Variants in TCF7L2 observed in about 807,000 individuals in gnomAD.
TCF7L2 encodes the protein transcription factor 7-like 2.
In TCF7L2, 23 loss-of-function variants were observed where a neutral mutation model predicts 77.9. The observed-to-expected ratio is 0.30, with a 90% CI of 0.21 to 0.42. The LOEUF (loss-of-function observed/expected upper bound fraction) is 0.42, where lower values mean the gene tolerates loss of function less well. Ranked by LOEUF, TCF7L2 falls within the 10% of genes least tolerant of loss-of-function variation. The pLI is 1.00. For missense variants in TCF7L2, 654 were observed against 793.1 expected (o/e 0.82, Z 2.11); for synonymous variants, 413 against 340.2 (o/e 1.21, Z -2.36).
intron 5 of TCF7L2, among the ~76,000 whole-genome samples, chr10:113,112,913 T>C (rs1268933492): frequency 6.6e-6 from 1 of 152,208 alleles, no homozygotes; most frequent in Non-Finnish European, 1.5e-5. Flanking sequence ...AGAAGGCTTT[T>C]CCCTGATTAT....
chr10:113,097,647 A>AG (rs1491183298), intron 5 of TCF7L2, among the ~76,000 whole-genome samples: 644 of 23,136 alleles, frequency 0.028, 4 homozygotes, highest in Non-Finnish European at 0.065. Context: ...CTTGTCTCGG[A>AG]AAAAAAAAAA....
chr10:112,961,885 G>T (rs1300655396), intron 3 of TCF7L2, among the ~76,000 whole-genome samples: 1 of 148,898 alleles, frequency 6.7e-6, no homozygotes, highest in Non-Finnish European at 1.5e-5. Context: ...GCGCTCGCGT[G>T]TGCGTGTATG....
intron 5 of TCF7L2, among the ~76,000 whole-genome samples, chr10:113,086,788 T>G (rs2135558244): frequency 6.6e-6 from 1 of 152,284 alleles, no homozygotes; most frequent in East Asian, 1.9e-4. Context: ...TATAGTTATT[T>G]TCTCATGATA....
intron 7 of TCF7L2, 53 bp from the exon 8 acceptor site, chr10:113,145,958 T>TGCCC: frequency 3.0e-6 from 4 of 1,350,230 alleles, no homozygotes; most frequent in Non-Finnish European, 4.2e-6. Flanking sequence ...CTTTTTCTTG[T>TGCCC]CCCCACCCCC....
In TCF7L2 at chr10:112,950,407, C is replaced by T; in HGVS notation, c.-350C>T. 1 of 222,142 alleles carries T rather than the reference C, an allele frequency of 4.5e-6. No homozygotes were observed. The highest frequency in any genetic ancestry group is 2.3e-5 in the African/African-American group (1 of 43,342). 13.8% of individuals were successfully genotyped at this position (222,142 alleles called of 1,614,324 possible). A position where few individuals can be genotyped will look rare whatever the true frequency, so the allele number is the denominator to read the frequency against. On this transcript the variant is annotated 5_prime_UTR_variant, in exon 1 of 14. Coordinates refer to ENST00000627217, the MANE Select transcript of TCF7L2 (RefSeq NM_001146274.2). ...GCACCTCCTGTATCTTCGGCTTCCC[C>T]CCCCCTTTGCTCTTTATATCTGACT...
At chr10:113,081,121 C>G (rs1410983025) in intron 5 of TCF7L2, among the ~76,000 whole-genome samples, 1 of 152,250 alleles carries the variant, frequency 6.6e-6, no homozygotes, top group Admixed American at 6.5e-5. Flanking sequence ...TCTCCTAATA[C>G]ACCTAGCCCC....
chr10:113,032,237 G>C (rs550664811), intron 4 of TCF7L2, among the ~76,000 whole-genome samples: 4 of 152,206 alleles, frequency 2.6e-5, no homozygotes, highest in Admixed American at 6.5e-5. Flanking sequence ...CCGATTGTCC[G>C]TGTGTGAGCT....
At chr10:113,073,644 A>G (rs142995398) in intron 5 of TCF7L2, among the ~76,000 whole-genome samples, 1,635 of 148,712 alleles carry the variant, frequency 0.011, 16 homozygotes, top group Middle Eastern at 0.021. Flanking sequence ...GTGAGCTGTG[A>G]TTGCACCACT....
Position 112,950,534 on chromosome 10 carries a change from C to T in TCF7L2, c.-223C>T, listed in dbSNP as rs1369924230. On this transcript the variant is annotated 5_prime_UTR_variant, in exon 1 of 14. Transcript: ENST00000627217. ...TTGGGAACGAGAGAAAAAAGAAACC[C>T]AAACTCACGCGTGCAGAAGATCTCC... is the stretch of plus-strand genomic sequence containing the variant. The T allele has an allele frequency of 8.3e-6, 4 of 480,612 alleles. No individual in the cohort carries two copies. The highest frequency in any genetic ancestry group is 1.4e-5 in the Non-Finnish European group (4 of 276,446). The allele number at this position is 480,612 out of a possible 1,614,324, so 29.8% of individuals were successfully genotyped here.
At chr10:113,086,684 G>A (rs1198984815) in intron 5 of TCF7L2, among the ~76,000 whole-genome samples, 1 of 151,806 alleles carries the variant, frequency 6.6e-6, no homozygotes, top group African/African-American at 2.4e-5. Context: ...AGAAAACTCA[G>A]CAGATGTTTA....
chr10:112,964,695 C>A, intron 4 of TCF7L2, 71 bp downstream of exon 4: 1 of 1,311,686 alleles, frequency 7.6e-7, no homozygotes. Flanking sequence ...TATTCTCCGC[C>A]CCTTCCCCCA....
chr10:112,973,378 C>A (rs552108289), intron 4 of TCF7L2, among the ~76,000 whole-genome samples: 3 of 152,132 alleles, frequency 2.0e-5, no homozygotes, highest in Non-Finnish European at 2.9e-5. Context: ...CAGGCCCTGC[C>A]CTAGACCAAC....
intron 4 of TCF7L2, among the ~76,000 whole-genome samples, chr10:113,034,196 T>A (rs1330419309): frequency 1.3e-5 from 2 of 152,228 alleles, no homozygotes; most frequent in South Asian, 4.1e-4. Context: ...AAGAAATAAG[T>A]GTCCGCTATT....
At chr10:113,102,868 A>G (rs921828309) in intron 5 of TCF7L2, among the ~76,000 whole-genome samples, 3 of 152,222 alleles carry the variant, frequency 2.0e-5, no homozygotes, top group Non-Finnish European at 2.9e-5. Flanking sequence ...TAAGCTTTTC[A>G]TAAGTATTAT....
intron 5 of TCF7L2, chr10:113,129,217 C>T (rs1320229147): frequency 4.4e-6 from 3 of 674,994 alleles, no homozygotes; most frequent in Non-Finnish European, 5.5e-6. Context: ...CCTCCCCTCT[C>T]CCATCGCAGC....
At chr10:113,094,626 C>T (rs1471911834) in intron 5 of TCF7L2, among the ~76,000 whole-genome samples, 4 of 152,220 alleles carry the variant, frequency 2.6e-5, no homozygotes, top group African/African-American at 4.8e-5. Flanking sequence ...TACTTCCTCT[C>T]AGTCTTTTAA....
Position 113,153,497 on chromosome 10 carries a change from C to T in TCF7L2, c.1269+1057C>T, listed in dbSNP as rs75096258. Among the ~76,000 whole-genome samples, 1,510 of 152,270 alleles carry T rather than the reference C, an allele frequency of 9.9e-3. 19 individuals carry two copies. The highest frequency in any genetic ancestry group is 0.016 in the Non-Finnish European group (1,103 of 68,028). On this transcript the variant is annotated intron_variant, in intron 11 of 13. Coordinates refer to ENST00000627217, the MANE Select transcript of TCF7L2 (RefSeq NM_001146274.2). ...TTTTGACTCTCCCACTGGCATCATC[C>T]GCGGTGAAGCAGCTTGACGTATAGG...
rs766727892 is a variant in TCF7L2 at position 113,151,107 on chromosome 10, G to A, written c.985G>A (p.Gly329Ser). Residue 329 changes from glycine (G) to serine (S), a missense_variant, in exon 9 of 14, where the codon GGC (glycine) becomes AGC (serine). Transcript: ENST00000627217. This position sits in a 1 kb window ranked among gnomAD's most constrained non-coding sequence, Gnocchi z 5.2. ...ACAGGAATCGTCCCAGAGTGATGTC[G>A]GCTCACTCCATAGTTCGTAAGTGTT... is the stretch of plus-strand genomic sequence containing the variant. 7.4e-6 allele frequency: 12 copies of A among 1,613,996 alleles called. No individual in the cohort carries two copies. Among genetic ancestry groups the A allele is most frequent in the Admixed American group, 1.7e-5 (1 of 59,998 alleles).
intron 5 of TCF7L2, chr10:113,126,107 G>GTTTTTT (rs34464337): frequency 6.9e-6 from 1 of 145,006 alleles, no homozygotes. Context: ...GTTTCGGTAG[G>GTTTTTT]TTTTGTTTTT....
Sources: gnomAD v4.1 joint callset for allele counts (sites outside exome capture counted in the v4.1 genomes callset) on GRCh38, gnomAD v4.1.1 for gene constraint, Gnocchi (gnomAD v3.1) non-coding constraint, MANE v1.5 for transcripts, NCBI Gene and HGNC (gene_info 2026-07-23, HGNC 2026-07-21) for gene names.